ZNF420: variants seen among roughly 807,000 people sequenced by gnomAD.
ZNF420 encodes zinc finger protein 420, also known as ATM and p53-associated KZNF protein.
ZNF420 carries 31 observed loss-of-function variants against 44.7 expected under a neutral mutation model. The ratio of observed to expected loss-of-function variants is 0.69; its 90% CI spans 0.52 to 0.94. ZNF420 has a LOEUF of 0.94. ZNF420 is among the 40% of genes least tolerant of loss of function. The pLI is 0.00. For missense variants in ZNF420, 681 were observed against 827.9 expected (o/e 0.82, Z 2.18); for synonymous variants, 245 against 267.4 (o/e 0.92, Z 0.82).
intron 4 of ZNF420, among the ~76,000 whole-genome samples, chr19:37,095,847 C>T (rs1185874319): frequency 6.6e-6 from 1 of 152,204 alleles, no homozygotes; most frequent in Non-Finnish European, 1.5e-5. Context: ...GATCCACCCA[C>T]CTCCACCTCC....
chr19:37,016,388 T>TG (rs768535849), intron 1 of ZNF420, among the ~76,000 whole-genome samples: 2 of 152,172 alleles, frequency 1.3e-5, no homozygotes, highest in Non-Finnish European at 2.9e-5. Context: ...GTGTGGGGTT[T>TG]GGGGTGTTTT....
At chr19:37,054,858 C>T (rs1170478867) in intron 1 of ZNF420, among the ~76,000 whole-genome samples, 2 of 152,170 alleles carry the variant, frequency 1.3e-5, no homozygotes, top group Admixed American at 6.5e-5. Flanking sequence ...TGTTATACAA[C>T]ACAGAAACAC....
chr19:37,094,025 A>G (rs954602925), intron 4 of ZNF420, among the ~76,000 whole-genome samples: 1 of 152,194 alleles, frequency 6.6e-6, no homozygotes, highest in Non-Finnish European at 1.5e-5. Flanking sequence ...AGAAATAGCT[A>G]CGGTCTTTTA....
chr19:37,056,267 TCACA>T (rs1967752341), intron 1 of ZNF420, among the ~76,000 whole-genome samples: 1 of 152,166 alleles, frequency 6.6e-6, no homozygotes, highest in Non-Finnish European at 1.5e-5. Context: ...TGGCTTGGAC[TCACA>T]CACAGGTTCT....
chr19:37,106,021 C>A (rs375164522), intron 4 of ZNF420, among the ~76,000 whole-genome samples: 1 of 152,088 alleles, frequency 6.6e-6, no homozygotes, highest in Admixed American at 6.6e-5. Flanking sequence ...AATACCCTTT[C>A]TTTCTTTCTC....
upstream of ZNF420, chr19:37,078,429 T>G (rs988249860): frequency 1.3e-5 from 2 of 152,272 alleles, no homozygotes; most frequent in Non-Finnish European, 2.9e-5. Context: ...TTCCGTTAGT[T>G]TGCGAGATTT....
At chr19:37,032,292 A>G (rs1404818877) in intron 1 of ZNF420, among the ~76,000 whole-genome samples, 1 of 151,266 alleles carries the variant, frequency 6.6e-6, no homozygotes, top group Admixed American at 6.6e-5. Flanking sequence ...AGATTGCGCC[A>G]CTGCACTCCA....
intron 4 of ZNF420, among the ~76,000 whole-genome samples, chr19:37,095,224 G>T (rs115654843): frequency 3.9e-5 from 6 of 152,128 alleles, no homozygotes; most frequent in African/African-American, 1.2e-4. Context: ...ATACTTTGGG[G>T]GTATTTCTGC....
chr19:37,091,221 T>C, intron 4 of ZNF420, 100 bp downstream of exon 4: 3 of 1,250,512 alleles, frequency 2.4e-6, no homozygotes, highest in East Asian at 2.7e-5. Flanking sequence ...ACTGAATTTC[T>C]TATTCTTTTC....
intron 1 of ZNF420, among the ~76,000 whole-genome samples, chr19:37,071,526 C>T (rs1009772125): frequency 4.6e-5 from 7 of 152,102 alleles, no homozygotes; most frequent in Non-Finnish European, 8.8e-5. Flanking sequence ...TTTGGCTGGG[C>T]GTGGTGGCTC....
At chr19:37,019,327 T>C (rs2074629593) in intron 1 of ZNF420, among the ~76,000 whole-genome samples, 1 of 152,174 alleles carries the variant, frequency 6.6e-6, no homozygotes. Flanking sequence ...TATAAGGAGA[T>C]ACTACTTTAT....
chr19:37,115,815 A>G (rs1300546139), intron 4 of ZNF420, among the ~76,000 whole-genome samples: 1 of 152,128 alleles, frequency 6.6e-6, no homozygotes, highest in African/African-American at 2.4e-5. Flanking sequence ...TATCACATGG[A>G]GAGAAACCTT....
chr19:37,130,155 T>A lies in ZNF420; in HGVS notation c.*1097T>A, dbSNP rs73620839. On this transcript the variant is annotated 3_prime_UTR_variant, in exon 5 of 5. Coordinates refer to ENST00000337995, the MANE Select transcript of ZNF420 (RefSeq NM_144689.5). ...TGTGGACATCTAAGCTGGAGCTCCG[T>A]TACTCTCATGGGGACTTTGAGAATG... 9,233 of 1,550,202 alleles carry A rather than the reference T, an allele frequency of 6.0e-3. 282 individuals are homozygous for A. The Admixed American group carries it at 0.06, about 10-fold the overall frequency.
At chr19:37,071,672 G>A (rs779893846) in intron 1 of ZNF420, among the ~76,000 whole-genome samples, 18 of 152,160 alleles carry the variant, frequency 1.2e-4, no homozygotes, top group South Asian at 2.1e-4. Context: ...ATGGTGGTGC[G>A]CACCTGTAGT....
chr19:37,043,715 C>T (rs999804829), intron 1 of ZNF420, among the ~76,000 whole-genome samples: 2 of 152,046 alleles, frequency 1.3e-5, no homozygotes, highest in African/African-American at 4.8e-5. Context: ...TCAGGTGATC[C>T]GCTGGCCTCA....
intron 1 of ZNF420, among the ~76,000 whole-genome samples, chr19:37,044,651 AG>A (rs1967513288): frequency 6.6e-6 from 1 of 152,042 alleles, no homozygotes; most frequent in South Asian, 2.1e-4. Flanking sequence ...GGATCACCTG[AG>A]GTCAGGAGTT....
chr19:37,012,312 G>C (rs118161785), intron 1 of ZNF420, among the ~76,000 whole-genome samples: 1 of 152,224 alleles, frequency 6.6e-6, no homozygotes, highest in Non-Finnish European at 1.5e-5. Context: ...AGCGGAGCGC[G>C]AGTCGGCCTA....
At position 37,128,252 on chromosome 19, in the gene ZNF420, T is replaced by A; in HGVS notation, c.1261T>A (p.Cys421Ser). ...RIHTGEKPYQ[C>S]KECGKAFNRG... The stretch of plus-strand genomic sequence containing the variant: ...ACACACTGGTGAGAAACCCTATCAA[T>A]GTAAGGAATGTGGAAAAGCGTTTAA... Residue 421 changes from cysteine (C) to serine (S), a missense_variant, in exon 5 of 5, where the codon TGT becomes AGT. This residue lies in a region of ZNF420 where 280 missense variants were observed against 338.6 expected (regional missense o/e 0.83). Transcript: ENST00000337995. 4 of 1,614,052 alleles carry A rather than the reference T, an allele frequency of 2.5e-6. No individual in the cohort carries two copies. The highest frequency in any genetic ancestry group is 3.4e-6 in the Non-Finnish European group (4 of 1,179,966).
chr19:37,097,910 T>G (rs1969548741), intron 4 of ZNF420, among the ~76,000 whole-genome samples: 2 of 152,202 alleles, frequency 1.3e-5, no homozygotes, highest in Admixed American at 1.3e-4. Flanking sequence ...GTAAAATGAC[T>G]AGGGTAGATT....
Sources: gnomAD v4.1 joint callset for allele counts (sites outside exome capture counted in the v4.1 genomes callset) on GRCh38, gnomAD v4.1.1 for gene constraint, gnomAD v4.1.1 regional missense constraint, MANE v1.5 for transcripts, NCBI Gene and HGNC (gene_info 2026-07-23, HGNC 2026-07-21) for gene names.